Variants in PRKD3 observed in about 807,000 individuals in gnomAD.
PRKD3 encodes the protein serine/threonine-protein kinase D3.
PRKD3 carries 47 observed loss-of-function variants against 99.2 expected under a neutral mutation model. That is an observed-to-expected ratio of 0.47 (90% CI 0.38 to 0.60). The LOEUF (loss-of-function observed/expected upper bound fraction) is 0.60, where lower values mean the gene tolerates loss of function less well. PRKD3 is among the 20% of genes least tolerant of loss of function. The pLI is 0.00. For missense variants in PRKD3, 1,019 were observed against 1,088.4 expected (o/e 0.94, Z 0.90); for synonymous variants, 392 against 355.4 (o/e 1.10, Z -1.16).
intron 14 of PRKD3, among the ~76,000 whole-genome samples, chr2:37,264,642 C>G (rs765437349): frequency 2.5e-4 from 38 of 151,984 alleles, no homozygotes; most frequent in Non-Finnish European, 4.4e-4. Flanking sequence ...AGGGAGAAAG[C>G]ATTCCAGGCA....
intron 17 of PRKD3, among the ~76,000 whole-genome samples, chr2:37,256,058 A>G (rs1667910113): frequency 6.6e-6 from 1 of 152,198 alleles, no homozygotes; most frequent in Admixed American, 6.5e-5. Context: ...TTTTTAGCCT[A>G]AGTAAATTCT....
chr2:37,286,531 TTGAA>T lies in PRKD3; in HGVS notation c.718-166_718-163del, dbSNP rs1166216044. ...TTTGCAATGTTTAATTTACCAATCT[TTGAA>T]TGAGAAAAATGCAGATTCTTTTTGC... On this transcript the variant is annotated intron_variant, in intron 5 of 18. Transcript: ENST00000234179. Among the ~76,000 whole-genome samples, 5 of 152,350 alleles carry T rather than the reference TTGAA, an allele frequency of 3.3e-5. No individual in the cohort carries two copies. In the South Asian group the frequency reaches 6.2e-4, roughly 19 times the overall value.
At chr2:37,318,079 T>C (rs1420952402) in intron 1 of PRKD3, among the ~76,000 whole-genome samples, 1 of 152,014 alleles carries the variant, frequency 6.6e-6, no homozygotes, top group Non-Finnish European at 1.5e-5. Context: ...CCATAAATAA[T>C]TCCAATGAAG....
chr2:37,267,726 G>A (rs1339720595), intron 13 of PRKD3, 190 bp from the exon 14 acceptor site: 2 of 515,282 alleles, frequency 3.9e-6, no homozygotes, highest in Non-Finnish European at 6.8e-6. Context: ...CATAATATTT[G>A]CCCCTAATAA....
intron 1 of PRKD3, among the ~76,000 whole-genome samples, chr2:37,318,149 T>C (rs1572708842): frequency 6.6e-6 from 1 of 151,816 alleles, no homozygotes; most frequent in South Asian, 2.1e-4. Flanking sequence ...AGTTAATGGG[T>C]TAAATTAGGA....
chr2:37,290,420 G>A (rs1364626932), intron 4 of PRKD3, among the ~76,000 whole-genome samples: 1 of 152,142 alleles, frequency 6.6e-6, no homozygotes, highest in African/African-American at 2.4e-5. Context: ...CTTTAGTAGA[G>A]ACAGGGTTTC....
At chr2:37,259,277 T>C (rs997155205) in intron 16 of PRKD3, among the ~76,000 whole-genome samples, 2 of 152,242 alleles carry the variant, frequency 1.3e-5, no homozygotes, top group Non-Finnish European at 2.9e-5. Flanking sequence ...TTATGAGGTA[T>C]TTATCCTAAG....
At chr2:37,265,579 A>G (rs1033185059) in intron 14 of PRKD3, among the ~76,000 whole-genome samples, 3 of 152,218 alleles carry the variant, frequency 2.0e-5, no homozygotes, top group Non-Finnish European at 4.4e-5. Flanking sequence ...ACAGACTTAG[A>G]TTCAAACTCT....
In PRKD3 at chr2:37,312,681, T is replaced by A. The variant is rs962590864; in HGVS notation, c.288+3556A>T. Among the ~76,000 whole-genome samples the A allele has an allele frequency of 3.9e-5, 6 of 152,338 alleles. No individual in the cohort carries two copies. In the East Asian group the frequency reaches 1.2e-3, roughly 29 times the overall value. On this transcript the variant is annotated intron_variant, in intron 2 of 18. Transcript: ENST00000234179. ...ATGTCCCTTATAGAGTAACTACACG[T>A]GTTCAATAACATTCAGGTATAAGTA...
intron 2 of PRKD3, among the ~76,000 whole-genome samples, chr2:37,295,998 G>A (rs527556427): frequency 5.6e-4 from 85 of 152,066 alleles, no homozygotes; most frequent in Non-Finnish European, 9.9e-4. Flanking sequence ...AGAAACTACA[G>A]CAAGTAAATG....
At chr2:37,300,142 G>A (rs1670856985) in intron 2 of PRKD3, among the ~76,000 whole-genome samples, 1 of 152,102 alleles carries the variant, frequency 6.6e-6, no homozygotes, top group African/African-American at 2.4e-5. Flanking sequence ...ATGGATAAAT[G>A]GATACAGAAA....
At chr2:37,269,268 G>A (rs1334856716) in intron 13 of PRKD3, 1 of 223,720 alleles carries the variant, frequency 4.5e-6, no homozygotes, top group Non-Finnish European at 9.2e-6. Context: ...ATTTGTGTTG[G>A]AAAACTAGTA....
At chr2:37,323,280 T>G (rs1671961214) in intron 1 of PRKD3, among the ~76,000 whole-genome samples, 1 of 151,076 alleles carries the variant, frequency 6.6e-6, no homozygotes, top group Non-Finnish European at 1.5e-5. Flanking sequence ...TGTGAAACGC[T>G]ATATACTAAA....
intron 12 of PRKD3, among the ~76,000 whole-genome samples, chr2:37,270,381 T>C (rs1245605844): frequency 6.8e-6 from 1 of 147,554 alleles, no homozygotes; most frequent in African/African-American, 2.5e-5. Flanking sequence ...CAAAAGTTCA[T>C]ATTACTGGGA....
At chr2:37,281,226 A>G (rs1368773735) in intron 7 of PRKD3, among the ~76,000 whole-genome samples, 1 of 152,234 alleles carries the variant, frequency 6.6e-6, no homozygotes, top group Non-Finnish European at 1.5e-5. Flanking sequence ...GCACATTAAG[A>G]TAAATATAAA....
chr2:37,265,425 G>A (rs1668769428), intron 14 of PRKD3, among the ~76,000 whole-genome samples: 1 of 152,040 alleles, frequency 6.6e-6, no homozygotes, highest in African/African-American at 2.4e-5. Flanking sequence ...GAATATTCTA[G>A]AATATCAATA....
intron 11 of PRKD3, among the ~76,000 whole-genome samples, chr2:37,273,709 A>G (rs1044357157): frequency 9.2e-5 from 14 of 152,324 alleles, no homozygotes; most frequent in Non-Finnish European, 1.6e-4. Context: ...CTACCTTTGG[A>G]AAGTTGTTGA....
At chr2:37,290,730 G>A (rs557988191) in intron 4 of PRKD3, 138 bp downstream of exon 4, 11 of 882,480 alleles carry the variant, frequency 1.2e-5, no homozygotes, top group East Asian at 1.1e-4. Flanking sequence ...GAGATAAAAT[G>A]AGAGTCCTGA....
At chr2:37,304,195 C>G (rs1358036253) in intron 2 of PRKD3, among the ~76,000 whole-genome samples, 1 of 96,852 alleles carries the variant, frequency 1.0e-5, no homozygotes, top group African/African-American at 3.9e-5. Context: ...CAGGTACTTA[C>G]TAAAAAAAAA....
Sources: allele counts gnomAD v4.1 joint callset (sites outside exome capture counted in the v4.1 genomes callset), GRCh38; gene constraint gnomAD v4.1.1; transcripts MANE v1.5; gene names NCBI Gene and HGNC (gene_info 2026-07-23, HGNC 2026-07-21).